NCALD: variants seen among roughly 807,000 people sequenced by gnomAD.
NCALD encodes the protein neurocalcin-delta.
In NCALD, 10 loss-of-function variants were observed where a neutral mutation model predicts 18.6. That is an observed-to-expected ratio of 0.54 (90% CI 0.33 to 0.91). NCALD has a LOEUF of 0.91. Among genes scored for constraint, NCALD ranks in the 40% least tolerant of loss-of-function variants. The pLI, the probability that NCALD is intolerant of heterozygous loss-of-function variation, is 0.03. For synonymous variants in NCALD, 88 were observed against 87.4 expected (o/e 1.01, Z -0.04); for missense variants, 184 against 247.6 (o/e 0.74, Z 1.72).
chr8:101,699,508 A>G (rs903912834), intron 2 of NCALD, among the ~76,000 whole-genome samples: 2 of 152,216 alleles, frequency 1.3e-5, no homozygotes, highest in Non-Finnish European at 2.9e-5. Context: ...TATGTAATCA[A>G]CCCAAATTCC....
At chr8:101,785,671 T>C (rs1296555524) in intron 1 of NCALD, among the ~76,000 whole-genome samples, 1 of 152,138 alleles carries the variant, frequency 6.6e-6, no homozygotes, top group Non-Finnish European at 1.5e-5. Flanking sequence ...AGAGATATTT[T>C]TGGAAATATC....
intron 1 of NCALD, chr8:101,745,960 T>A (rs1418744967): frequency 2.6e-5 from 4 of 152,198 alleles, no homozygotes; most frequent in Non-Finnish European, 5.9e-5. Context: ...CTTCGATCAT[T>A]ACGCACCACC....
At chr8:101,701,768 G>A (rs200233158) in intron 2 of NCALD, among the ~76,000 whole-genome samples, 1 of 152,122 alleles carries the variant, frequency 6.6e-6, no homozygotes, top group African/African-American at 2.4e-5. Flanking sequence ...AGACACCCAC[G>A]TCTCTCTGAC....
In NCALD at chr8:101,790,854, C is replaced by T. The variant is rs1811782184; in HGVS notation, c.-20+8G>A. The T allele has an allele frequency of 6.6e-6, 1 of 152,190 alleles. No individual in the cohort carries two copies. Among genetic ancestry groups the T allele is most frequent in the South Asian group, 2.1e-4 (1 of 4,822 alleles). 9.4% of individuals were successfully genotyped at this position (152,190 alleles called of 1,614,324 possible). Reference sequence around the variant, plus strand: ...ATCTAACTATTGTATATAAAGCAAACTAATTACCTCACTCAGAAGAAGTGC... The same window carrying T: ...ATCTAACTATTGTATATAAAGCAAATTAATTACCTCACTCAGAAGAAGTGC... On this transcript the variant is annotated splice_region_variant and intron_variant, in intron 1 of 3. Transcript: ENST00000220931.
intron 1 of NCALD, among the ~76,000 whole-genome samples, chr8:101,755,787 G>T (rs1471960038): frequency 6.6e-6 from 1 of 152,190 alleles, no homozygotes; most frequent in African/African-American, 2.4e-5. Flanking sequence ...AACCTTTTGT[G>T]ACTAACCATT....
chr8:102,029,591 T>C (rs952381687), intron 1 of NCALD, among the ~76,000 whole-genome samples: 6 of 152,248 alleles, frequency 3.9e-5, no homozygotes, highest in African/African-American at 1.4e-4. Context: ...ATTTCTCCTG[T>C]CAACGTTTCA....
rs1348026 is a variant in NCALD at position 102,010,461 on chromosome 8, T to G, written c.-157+9776A>C. Among the ~76,000 whole-genome samples the G allele has an allele frequency of 5.6e-3, 855 of 152,312 alleles. 12 individuals are homozygous for G. Among genetic ancestry groups the G allele is most frequent in the African/African-American group, 0.019 (798 of 41,574 alleles). ...TTAAATTTGGTTTTTTAATTAAAATTTTATTCTCTAGTTTTCACTGTGACT... is the reference window on the plus strand; with the variant it reads ...TTAAATTTGGTTTTTTAATTAAAATGTTATTCTCTAGTTTTCACTGTGACT... On this transcript the variant is annotated intron_variant, in intron 2 of 6. Coordinates refer to the NCALD transcript ENST00000311028.
intron 1 of NCALD, among the ~76,000 whole-genome samples, chr8:102,052,315 C>G (rs143006492): frequency 6.6e-6 from 1 of 152,126 alleles, no homozygotes; most frequent in Non-Finnish European, 1.5e-5. Flanking sequence ...AAAAACCCTC[C>G]CACTGGGTTA....
chr8:101,688,877 C>A lies in NCALD; in HGVS notation c.*432G>T. The stretch of plus-strand genomic sequence containing the variant: ...TGGGGAATCCAGCATCCGGTGCCAT[C>A]CATCACCCCTACGGCACGTGTGACA... On this transcript the variant is annotated 3_prime_UTR_variant, in exon 4 of 4. Coordinates refer to ENST00000220931, the MANE Select transcript of NCALD (RefSeq NM_032041.3). 1 of 626,476 alleles carries A rather than the reference C, an allele frequency of 1.6e-6. No homozygotes were observed. The highest frequency in any genetic ancestry group is 2.9e-6 in the Non-Finnish European group (1 of 350,580). The allele number at this position is 626,476 out of a possible 1,614,324, so 38.8% of individuals were successfully genotyped here.
At chr8:101,708,940 G>C (rs57625814) in intron 2 of NCALD, among the ~76,000 whole-genome samples, 1 of 152,330 alleles carries the variant, frequency 6.6e-6, no homozygotes, top group East Asian at 1.9e-4. Flanking sequence ...TTAAAAAGGA[G>C]AGGAAATATC....
At chr8:102,109,113 C>A (rs1825566273) in intron 1 of NCALD, among the ~76,000 whole-genome samples, 1 of 152,102 alleles carries the variant, frequency 6.6e-6, no homozygotes, top group South Asian at 2.1e-4. Context: ...AAGTTCAAGG[C>A]AAAGATCTGG....
chr8:101,756,552 A>G (rs1810889788), intron 1 of NCALD, among the ~76,000 whole-genome samples: 1 of 152,252 alleles, frequency 6.6e-6, no homozygotes, highest in South Asian at 2.1e-4. Flanking sequence ...GTCAAGGGCC[A>G]TCTTTGCACG....
intron 1 of NCALD, among the ~76,000 whole-genome samples, chr8:102,035,470 A>C (rs1248176168): frequency 6.6e-6 from 1 of 152,166 alleles, no homozygotes; most frequent in Non-Finnish European, 1.5e-5. Context: ...AAACACAAAG[A>C]ATATCAACTT....
At chr8:101,974,212 T>C (rs1472511952) in intron 2 of NCALD, among the ~76,000 whole-genome samples, 1 of 152,206 alleles carries the variant, frequency 6.6e-6, no homozygotes, top group Non-Finnish European at 1.5e-5. Flanking sequence ...AATTTTCATT[T>C]CATTGAAAGT....
At chr8:101,764,800 A>G (rs1811276263) in intron 1 of NCALD, among the ~76,000 whole-genome samples, 1 of 152,228 alleles carries the variant, frequency 6.6e-6, no homozygotes, top group African/African-American at 2.4e-5. Context: ...TAACATCTTT[A>G]TCTTTCATGC....
chr8:102,013,100 C>T (rs755630865), intron 2 of NCALD, among the ~76,000 whole-genome samples: 2 of 152,064 alleles, frequency 1.3e-5, no homozygotes, highest in African/African-American at 2.4e-5. Context: ...AAAACAAAAA[C>T]GTTTATCTTC....
At chr8:101,762,980 T>C (rs1474500083) in intron 1 of NCALD, among the ~76,000 whole-genome samples, 1 of 152,206 alleles carries the variant, frequency 6.6e-6, no homozygotes, top group Non-Finnish European at 1.5e-5. Context: ...TAGGATAGCT[T>C]TACTACTTAT....
intron 4 of NCALD, among the ~76,000 whole-genome samples, chr8:101,875,685 C>T (rs1816200762): frequency 6.6e-6 from 1 of 152,102 alleles, no homozygotes; most frequent in South Asian, 2.1e-4. Flanking sequence ...TTCTAAGACG[C>T]AACAAAGCAA....
At chr8:101,734,592 T>A (rs1251749518) in intron 1 of NCALD, among the ~76,000 whole-genome samples, 1 of 152,210 alleles carries the variant, frequency 6.6e-6, no homozygotes, top group African/African-American at 2.4e-5. Context: ...GGCGCCAGCA[T>A]CCCACCTTCA....
Sources: gnomAD v4.1 joint callset for allele counts (sites outside exome capture counted in the v4.1 genomes callset) on GRCh38, gnomAD v4.1.1 for gene constraint, MANE v1.5 for transcripts, NCBI Gene and HGNC (gene_info 2026-07-23, HGNC 2026-07-21) for gene names.